TRIOBP: variants seen among roughly 807,000 people sequenced by gnomAD.
TRIOBP encodes the protein TRIO and F-actin binding protein, also known as TRIO and F-actin-binding protein.
Under a neutral mutation model 238.8 loss-of-function variants are expected in TRIOBP, and 169 were observed. That is an observed-to-expected ratio of 0.71 (90% CI 0.62 to 0.80). The LOEUF (loss-of-function observed/expected upper bound fraction) is 0.80. TRIOBP is among the 30% of genes least tolerant of loss of function. The pLI is 0.00. For missense variants in TRIOBP, 2,838 were observed against 3,122.6 expected (o/e 0.91, Z 2.17); for synonymous variants, 1,150 against 1,274.4 (o/e 0.90, Z 2.08).
At chr22:37,707,319 A>C (rs1405629565) in intron 3 of TRIOBP, among the ~76,000 whole-genome samples, 11 of 152,096 alleles carry the variant, frequency 7.2e-5, no homozygotes, top group Admixed American at 7.2e-4. Context: ...GAAGATGGCA[A>C]CTGCCTCTTC....
At chr22:37,739,101 A>G (rs1924816980) in intron 10 of TRIOBP, among the ~76,000 whole-genome samples, 1 of 152,000 alleles carries the variant, frequency 6.6e-6, no homozygotes, top group African/African-American at 2.4e-5. Context: ...GGAGCCAGAG[A>G]GCTGAGGATG....
intron 3 of TRIOBP, 109 bp from the exon 4 acceptor site, chr22:37,710,317 TC>T (rs1569034104): frequency 6.7e-7 from 1 of 1,492,092 alleles, no homozygotes; most frequent in Non-Finnish European, 9.1e-7. Flanking sequence ...AAGTGCAGGA[TC>T]CCCCGAGGAG....
chr22:37,746,964 C>T (rs907243000), intron 11 of TRIOBP, among the ~76,000 whole-genome samples: 2 of 152,312 alleles, frequency 1.3e-5, no homozygotes, highest in East Asian at 3.9e-4. Flanking sequence ...GAGGCAGTCC[C>T]GGGACGTCTG....
At position 37,762,289 on chromosome 22, in the gene TRIOBP, C is replaced by T. The variant is rs140366928; in HGVS notation, c.6324+3025C>T. 6.8e-3 allele frequency among the ~76,000 whole-genome samples: 1,028 copies of T among 152,282 alleles called. 12 individuals are homozygous for T. The highest frequency in any genetic ancestry group is 0.023 in the African/African-American group (960 of 41,526). Reference sequence around the variant, plus strand: ...CTATGTTCCCTGGGCTGGTCTTGAACTCCTGGGCTCAAGTGCTTCTCTCAT... The same window carrying T: ...CTATGTTCCCTGGGCTGGTCTTGAATTCCTGGGCTCAAGTGCTTCTCTCAT... On this transcript the variant is annotated intron_variant, in intron 17 of 23. Coordinates refer to ENST00000644935, the MANE Select transcript of TRIOBP (RefSeq NM_001039141.3).
rs150183433 is a variant in TRIOBP, at chr22:37,731,767, A to G, written c.3948-1531A>G. Among the ~76,000 whole-genome samples the G allele has an allele frequency of 1.3e-3, 200 of 151,810 alleles. 5 individuals carry two copies. In the East Asian group the frequency reaches 0.027, roughly 21 times the overall value. ...CCACCACACCTGGGCTAATTTTTGT[A>G]TTTTTAGAGACTAGGTTTCACTATG... On this transcript the variant is annotated intron_variant, in intron 7 of 23. Coordinates refer to ENST00000644935, the MANE Select transcript of TRIOBP (RefSeq NM_001039141.3).
chr22:37,716,053 T>C (rs1923501940), intron 6 of TRIOBP, 119 bp downstream of exon 6: 2 of 1,018,750 alleles, frequency 2.0e-6, no homozygotes, highest in Admixed American at 4.1e-5. Context: ...GTGTTAATAA[T>C]AGTAACAGTT....
At chr22:37,767,406 A>C (rs528840885) in intron 18 of TRIOBP, among the ~76,000 whole-genome samples, 2 of 152,318 alleles carry the variant, frequency 1.3e-5, no homozygotes, top group African/African-American at 4.8e-5. Context: ...AGTGGGAAAA[A>C]AAAAGCCTCG....
Position 37,725,737 on chromosome 22 carries a change from C to T in TRIOBP, c.3181C>T (p.Pro1061Ser). ...PPHHEPPYIP[P>S]AVCIGHRDAP... The stretch of plus-strand genomic sequence containing the variant: ...CCACCACGAGCCTCCCTATATACCA[C>T]CTGCTGTGTGCATTGGACACCGAGA... The change falls in exon 7 of 24, where the codon CCT (proline) becomes TCT (serine). Residue 1061 changes from proline to serine, a missense_variant. Physicochemically the swap from Pro to Ser is moderately conservative, Grantham distance 74. Transcript: ENST00000644935. 6.2e-7 allele frequency: 1 copy of T among 1,612,856 alleles called. No homozygotes were observed. Among genetic ancestry groups the T allele is most frequent in the Non-Finnish European group, 8.5e-7 (1 of 1,179,786 alleles).
intron 8 of TRIOBP, 25 bp from the exon 9 acceptor site, chr22:37,734,374 A>G: frequency 6.2e-7 from 1 of 1,606,624 alleles, no homozygotes; most frequent in Non-Finnish European, 8.5e-7. Context: ...AGAGAGCCTC[A>G]CCTACCCCCT....
intron 6 of TRIOBP, among the ~76,000 whole-genome samples, chr22:37,717,896 G>C (rs577083628): frequency 1.3e-5 from 2 of 152,228 alleles, no homozygotes; most frequent in East Asian, 3.8e-4. Context: ...CAGGGGCGGC[G>C]CTCATCGGGG....
chr22:37,741,825 C>T (rs149336281), intron 11 of TRIOBP, among the ~76,000 whole-genome samples: 3 of 152,298 alleles, frequency 2.0e-5, no homozygotes, highest in Non-Finnish European at 4.4e-5. Context: ...TACTGAGCCT[C>T]GGTTGCCACA....
In TRIOBP at chr22:37,773,500, G is replaced by T. The variant is rs183850829; in HGVS notation, c.*3-283G>T. On this transcript the variant is annotated intron_variant, in intron 23 of 23. Coordinates refer to ENST00000644935, the MANE Select transcript of TRIOBP (RefSeq NM_001039141.3). ...CTCCCAAAATTCTGAGATTACAGGT[G>T]TGAGCCGCTGCACCTGGCCAAAGTG... is the stretch of plus-strand genomic sequence containing the variant. Among the ~76,000 whole-genome samples, 4 of 152,292 alleles carry T rather than the reference G, an allele frequency of 2.6e-5. No homozygotes were observed. The East Asian group carries it at 7.7e-4, about 29-fold the overall frequency.
In TRIOBP at chr22:37,765,691, G is replaced by C. The variant is rs747570349; in HGVS notation, c.6346G>C (p.Ala2116Pro). Residue 2116 changes from alanine to proline, a missense_variant, in exon 18 of 24, where the codon GCA becomes CCA. Transcript: ENST00000644935. ...ISQEACERSL[A>P]EMESSHQQVM... The stretch of plus-strand genomic sequence containing the variant: ...ACAGGAGGCATGTGAGCGCAGCCTG[G>C]CAGAGATGGAGTCCTCGCACCAGCA... 6.4e-7 allele frequency: 1 copy of C among 1,552,036 alleles called. No homozygotes were observed. Among genetic ancestry groups the C allele is most frequent in the South Asian group, 1.2e-5 (1 of 84,158 alleles).
intron 21 of TRIOBP, 62 bp downstream of exon 21, chr22:37,769,437 C>G: frequency 6.9e-7 from 1 of 1,457,274 alleles, no homozygotes; most frequent in East Asian, 2.5e-5. Flanking sequence ...CTATGGGGCA[C>G]CCCCGCCATA....
rs866517685 is a variant in TRIOBP, at chr22:37,720,000, C to T, written c.629-3185C>T. Among the ~76,000 whole-genome samples, 175 of 54,400 alleles carry T rather than the reference C, an allele frequency of 3.2e-3. 45 individuals carry two copies. Among genetic ancestry groups the T allele is most frequent in the African/African-American group, 0.012 (161 of 13,116 alleles). The allele number at this position is 54,400 out of a possible 152,430, so 35.7% of individuals were successfully genotyped here. ...ACTGTTTCACTCATCCCCCCCCGCC[C>T]TTTTTTTTTTTTTTTTTTTTTTTTT... is the stretch of plus-strand genomic sequence containing the variant. On this transcript the variant is annotated intron_variant, in intron 6 of 23. Coordinates refer to ENST00000644935, the MANE Select transcript of TRIOBP (RefSeq NM_001039141.3).
At chr22:37,746,786 G>T (rs1443323300) in intron 11 of TRIOBP, among the ~76,000 whole-genome samples, 3 of 152,220 alleles carry the variant, frequency 2.0e-5, no homozygotes, top group Non-Finnish European at 4.4e-5. Context: ...TCCCCAAGGC[G>T]GCCAGGGGCC....
intron 11 of TRIOBP, among the ~76,000 whole-genome samples, chr22:37,750,133 A>G (rs1925506056): frequency 6.6e-6 from 1 of 152,198 alleles, no homozygotes; most frequent in African/African-American, 2.4e-5. Flanking sequence ...GTCATTTGCC[A>G]CATCAGGCAG....
chr22:37,759,116 A>G (rs1926103086), intron 16 of TRIOBP, 38 bp from the exon 17 acceptor site: 10 of 1,552,122 alleles, frequency 6.4e-6, no homozygotes, highest in Non-Finnish European at 8.8e-6. Flanking sequence ...GCCCTGCCCC[A>G]GCTTCCAGGT....
intron 5 of TRIOBP, among the ~76,000 whole-genome samples, chr22:37,713,662 A>G (rs1319384937): frequency 1.3e-5 from 2 of 152,152 alleles, no homozygotes; most frequent in Non-Finnish European, 2.9e-5. Flanking sequence ...AGCCGACAGG[A>G]GCTCTGGGTG....
Sources: allele counts gnomAD v4.1 joint callset (sites outside exome capture counted in the v4.1 genomes callset), GRCh38; gene constraint gnomAD v4.1.1; transcripts MANE v1.5; gene names NCBI Gene and HGNC (gene_info 2026-07-23, HGNC 2026-07-21).